Variants in MCF2L observed in about 807,000 individuals in gnomAD.
MCF2L encodes the protein guanine nucleotide exchange factor DBS.
MCF2L carries 97 observed loss-of-function variants against 153.4 expected under a neutral mutation model. The observed-to-expected ratio is 0.63, with a 90% CI of 0.54 to 0.75. The LOEUF is 0.75. Among genes scored for constraint, MCF2L ranks in the 30% least tolerant of loss-of-function variants. The pLI is 0.00. For missense variants in MCF2L, 1,347 were observed against 1,495.2 expected (o/e 0.90, Z 1.64); for synonymous variants, 659 against 632.2 (o/e 1.04, Z -0.64).
intron 13 of MCF2L, 36 bp downstream of exon 13, chr13:113,077,247 G>C (rs1215076854): frequency 1.3e-6 from 2 of 1,488,468 alleles, no homozygotes; most frequent in Non-Finnish European, 1.8e-6. Context: ...GGTGCTGTGG[G>C]ACCCTCGGGG....
chr13:113,089,390 CGGGTTT>C (rs1566879427), intron 25 of MCF2L, among the ~76,000 whole-genome samples: 1 of 32,184 alleles, frequency 3.1e-5, no homozygotes, highest in African/African-American at 7.5e-5. Flanking sequence ...CCAGCCCGTC[CGGGTTT>C]AACTTAGAAG....
chr13:112,954,852 C>T (rs1486083158), intron 2 of MCF2L, among the ~76,000 whole-genome samples: 1 of 152,238 alleles, frequency 6.6e-6, no homozygotes, highest in Non-Finnish European at 1.5e-5. Context: ...CACCTTCCTG[C>T]TGTCACCTGT....
intron 3 of MCF2L, among the ~76,000 whole-genome samples, chr13:113,033,558 C>T (rs755693368): frequency 1.3e-5 from 2 of 152,182 alleles, no homozygotes; most frequent in African/African-American, 4.8e-5. Flanking sequence ...TGTAAAGGGT[C>T]GCCCCGCCAT....
At chr13:113,009,973 G>C (rs1363559528) in intron 1 of MCF2L, 1 of 152,148 alleles carries the variant, frequency 6.6e-6, no homozygotes, top group African/African-American at 2.4e-5. Context: ...ATGGCCCCAG[G>C]CTGCTGTGTG....
intron 1 of MCF2L, among the ~76,000 whole-genome samples, chr13:112,984,040 G>A (rs539345697): frequency 1.3e-5 from 2 of 152,272 alleles, no homozygotes; most frequent in Non-Finnish European, 2.9e-5. Context: ...GGTTGGGGCC[G>A]GTGCCAGGGT....
At chr13:112,962,049 G>A (rs541377985) in intron 2 of MCF2L, among the ~76,000 whole-genome samples, 9 of 138,428 alleles carry the variant, frequency 6.5e-5, no homozygotes, top group African/African-American at 1.7e-4. Context: ...ACACACACAC[G>A]GACACGCACA....
At chr13:112,916,956 G>A (rs117492937) in intron 2 of MCF2L, among the ~76,000 whole-genome samples, 169 of 152,068 alleles carry the variant, frequency 1.1e-3, no homozygotes, top group Non-Finnish European at 2.0e-3. Context: ...GGTCCTGCAC[G>A]CTCTCCCCAC....
chr13:112,988,649 G>C lies in MCF2L; in HGVS notation c.79+19191G>C, dbSNP rs559916472. On this transcript the variant is annotated intron_variant, in intron 1 of 29. Coordinates refer to ENST00000535094, the MANE Select transcript of MCF2L (RefSeq NM_001112732.3). ...ACACCGGAGTCCTCCCTGAGCAGGG[G>C]ATGGAGCTACCATGCCCGAGTCCTC... Among the ~76,000 whole-genome samples, 67 of 148,618 alleles carry C rather than the reference G, an allele frequency of 4.5e-4. 1 individual carries two copies. The highest frequency in any genetic ancestry group is 1.3e-3 in the African/African-American group (54 of 40,156).
chr13:112,927,928 A>C (rs1364517545), intron 2 of MCF2L, among the ~76,000 whole-genome samples: 1 of 152,270 alleles, frequency 6.6e-6, no homozygotes, highest in Non-Finnish European at 1.5e-5. Flanking sequence ...AGCCAATTGC[A>C]GGCTATGGAC....
In MCF2L at chr13:112,916,454, G is replaced by T. The variant is rs942559028; in HGVS notation, c.169+14083G>T. On this transcript the variant is annotated intron_variant, in intron 2 of 29. Transcript: ENST00000375608. ...CTGGTGTTTCATCAGTCTTTGGGGA[G>T]GTGGTGGGATGAGTCTCCGCACGTC... Among the ~76,000 whole-genome samples, 7 of 152,120 alleles carry T rather than the reference G, an allele frequency of 4.6e-5. No individual in the cohort carries two copies. The South Asian group carries it at 1.2e-3, about 27-fold the overall frequency.
chr13:112,973,635 G>A (rs543904482), intron 1 of MCF2L, among the ~76,000 whole-genome samples: 6 of 152,204 alleles, frequency 3.9e-5, no homozygotes, highest in South Asian at 4.1e-4. Context: ...CCCTCCATGC[G>A]AAGACGGCGC....
chr13:112,898,058 G>A (rs1034456473), intron 1 of MCF2L, among the ~76,000 whole-genome samples: 1 of 152,090 alleles, frequency 6.6e-6, no homozygotes, highest in Admixed American at 6.5e-5. Flanking sequence ...AGCTCCCCCT[G>A]TCCTAGGGCC....
In MCF2L at chr13:112,953,109, C is replaced by G. The variant is rs982640024; in HGVS notation, c.169+50738C>G. ...TGGAGAGAGTGAAATGGAATGGCCT[C>G]TGTTTACTTCAAGAGTTAAATAAAT... On this transcript the variant is annotated intron_variant, in intron 2 of 29. Coordinates refer to the MCF2L transcript ENST00000375608. Among the ~76,000 whole-genome samples the G allele has an allele frequency of 4.6e-5, 7 of 152,210 alleles. 1 individual carries two copies. Among genetic ancestry groups the G allele is most frequent in the Non-Finnish European group, 2.9e-5 (2 of 68,040 alleles).
intron 3 of MCF2L, among the ~76,000 whole-genome samples, chr13:113,030,835 G>A (rs1003379112): frequency 1.3e-5 from 2 of 152,148 alleles, no homozygotes; most frequent in Admixed American, 6.5e-5. Context: ...CCACATGGCC[G>A]GGGAGGAGAT....
intron 1 of MCF2L, among the ~76,000 whole-genome samples, chr13:112,989,873 G>T (rs1450475580): frequency 1.3e-5 from 2 of 152,244 alleles, no homozygotes; most frequent in Non-Finnish European, 2.9e-5. Flanking sequence ...CTTTTCCACA[G>T]ATCAGGGGTA....
Position 113,094,594 on chromosome 13 carries a change from T to C in MCF2L, c.3034T>C (p.Ser1012Pro). Reference sequence around the variant, plus strand: ...AAGTGCAGAGGAGCAGATTAACTCGTCCGACGCAGAGGAGGACGGCGGGTT... The same window carrying C: ...AAGTGCAGAGGAGCAGATTAACTCGCCCGACGCAGAGGAGGACGGCGGGTT... ...WSSAEEQINS[S>P]DAEEDGGLGP... Residue 1012 changes from serine (S) to proline (P), a missense_variant, in exon 27 of 30, where the codon TCC becomes CCC. Around this residue, in one of 3 missense-constraint regions of MCF2L, gnomAD observed 383 missense variants for 335.4 expected, o/e 1.14. Transcript: ENST00000535094. 6.2e-7 allele frequency: 1 copy of C among 1,612,444 alleles called. No individual in the cohort carries two copies. Among genetic ancestry groups the C allele is most frequent in the Non-Finnish European group, 8.5e-7 (1 of 1,179,702 alleles).
At chr13:113,044,612 G>C (rs1215388227) in intron 3 of MCF2L, 1 of 1,572,592 alleles carries the variant, frequency 6.4e-7, no homozygotes, top group African/African-American at 1.4e-5. Context: ...TGCAGAGTGA[G>C]CCCACGGAAG....
chr13:113,078,838 G>A (rs1243148669), intron 15 of MCF2L, 99 bp downstream of exon 15: 2 of 1,080,202 alleles, frequency 1.9e-6, no homozygotes, highest in Non-Finnish European at 2.7e-6. Flanking sequence ...ACAGATAGAA[G>A]GCTGGTGCAG....
chr13:113,084,147 C>G, intron 18 of MCF2L, 80 bp downstream of exon 18: 1 of 1,141,684 alleles, frequency 8.8e-7, no homozygotes, highest in Non-Finnish European at 1.3e-6. Context: ...CTGCAAGTTC[C>G]TATTCTAACC....
Sources: allele counts gnomAD v4.1 joint callset (sites outside exome capture counted in the v4.1 genomes callset), GRCh38; gene constraint gnomAD v4.1.1; regional missense constraint gnomAD v4.1.1; transcripts MANE v1.5; gene names NCBI Gene and HGNC (gene_info 2026-07-23, HGNC 2026-07-21).